Variants in LPCAT1 observed in about 807,000 individuals in gnomAD.
LPCAT1 encodes lysophosphatidylcholine acyltransferase 1.
In LPCAT1, 23 loss-of-function variants were observed where a neutral mutation model predicts 60.9. That is an observed-to-expected ratio of 0.38 (90% CI 0.27 to 0.53). LPCAT1 has a LOEUF of 0.53. Among genes scored for constraint, LPCAT1 ranks in the 20% least tolerant of loss-of-function variants. The pLI is 0.82. For missense variants in LPCAT1, 622 were observed against 723.6 expected (o/e 0.86, Z 1.61); for synonymous variants, 340 against 301.1 (o/e 1.13, Z -1.34).
Position 1,477,355 on chromosome 5 carries a change from C to T in LPCAT1, c.899+49G>A, listed in dbSNP as rs770403616. ...TTTTAAATATACAGAGAGCAGCACT[C>T]TGGGAGACACCCCTGACTCGGCGAT... is the stretch of plus-strand genomic sequence containing the variant. On this transcript the variant is annotated intron_variant, in intron 9 of 13. Coordinates refer to ENST00000283415, the MANE Select transcript of LPCAT1 (RefSeq NM_024830.5). This position sits in a 1 kb window ranked among gnomAD's most constrained non-coding sequence, Gnocchi z 6.0. 1.3e-6 allele frequency: 2 copies of T among 1,485,520 alleles called. No individual in the cohort carries two copies. The highest frequency in any genetic ancestry group is 1.9e-6 in the Non-Finnish European group (2 of 1,066,406). 92.0% of individuals were successfully genotyped at this position (1,485,520 alleles called of 1,614,324 possible). A position where few individuals can be genotyped will look rare whatever the true frequency, so the allele number is the denominator to read the frequency against.
chr5:1,463,894 G>C, intron 13 of LPCAT1, 59 bp from the exon 14 acceptor site: 2 of 1,576,928 alleles, frequency 1.3e-6, no homozygotes, highest in South Asian at 2.3e-5. Flanking sequence ...TCTAGGATTT[G>C]GAGGCTCTTT....
Position 1,523,230 on chromosome 5 carries a change from G to A in LPCAT1, c.135+480C>T, listed in dbSNP as rs1736727541. ...GAGCCGCGGTGCCCTCCCGCCCGCGGGCCGCGTCCAGGCAAAGCCGCTCCG... is the reference window on the plus strand; with the variant it reads ...GAGCCGCGGTGCCCTCCCGCCCGCGAGCCGCGTCCAGGCAAAGCCGCTCCG... On this transcript the variant is annotated intron_variant, in intron 1 of 13. Transcript: ENST00000283415. The surrounding 1 kb of genome is among the most constrained non-coding windows in gnomAD (Gnocchi z 7.1). Among the ~76,000 whole-genome samples, 2 of 152,150 alleles carry A rather than the reference G, an allele frequency of 1.3e-5. No individual in the cohort carries two copies. The highest frequency in any genetic ancestry group is 2.9e-5 in the Non-Finnish European group (2 of 67,966).
chr5:1,467,747 C>T (rs1734486795), intron 12 of LPCAT1, among the ~76,000 whole-genome samples: 1 of 151,246 alleles, frequency 6.6e-6, no homozygotes. Flanking sequence ...TGTGGCAGCG[C>T]TTTCCTCTGA....
chr5:1,500,193 AATG>A (rs1486411818), intron 2 of LPCAT1, among the ~76,000 whole-genome samples: 1 of 152,240 alleles, frequency 6.6e-6, no homozygotes, highest in Admixed American at 6.5e-5. Context: ...GCCCCTCCAG[AATG>A]ATGAGAGATG....
intron 1 of LPCAT1, among the ~76,000 whole-genome samples, chr5:1,518,797 G>C (rs985273893): frequency 2.8e-4 from 43 of 152,366 alleles, no homozygotes; most frequent in African/African-American, 1.0e-3. Flanking sequence ...ACCCAGGCAA[G>C]AGGCCAGCAT....
At chr5:1,512,207 C>T (rs114788469) in intron 1 of LPCAT1, among the ~76,000 whole-genome samples, 7 of 152,180 alleles carry the variant, frequency 4.6e-5, no homozygotes, top group Non-Finnish European at 7.3e-5. Context: ...CCCCGTGAGT[C>T]GCAGTGGGGC....
chr5:1,489,709 A>G (rs1735501807), intron 4 of LPCAT1, 37 bp downstream of exon 4: 1 of 1,451,382 alleles, frequency 6.9e-7, no homozygotes, highest in African/African-American at 1.4e-5. Context: ...CTTTCGGAAT[A>G]AAACCACTGA....
In LPCAT1 at chr5:1,463,559, A is replaced by C; in HGVS notation, c.*92T>G. Reference sequence around the variant, plus strand: ...CTGAAGACAGTGCCTGTACAGCAGGAGTGAGGAGCGGAGCCCAGAGGTCAC... The same window carrying C: ...CTGAAGACAGTGCCTGTACAGCAGGCGTGAGGAGCGGAGCCCAGAGGTCAC... On this transcript the variant is annotated 3_prime_UTR_variant, in exon 14 of 14. Coordinates refer to ENST00000283415, the MANE Select transcript of LPCAT1 (RefSeq NM_024830.5). 1 of 1,371,940 alleles carries C rather than the reference A, an allele frequency of 7.3e-7. No individual in the cohort carries two copies. The highest frequency in any genetic ancestry group is 1.3e-5 in the South Asian group (1 of 76,242). The allele number at this position is 1,371,940 out of a possible 1,614,324, so 85.0% of individuals were successfully genotyped here.
intron 3 of LPCAT1, 127 bp downstream of exon 3, chr5:1,494,573 C>G (rs1311501777): frequency 2.3e-6 from 2 of 864,046 alleles, no homozygotes; most frequent in Non-Finnish European, 3.6e-6. Flanking sequence ...GGGGGTCTCA[C>G]TCATTCCCAA....
At chr5:1,467,734 C>T (rs1734485569) in intron 12 of LPCAT1, among the ~76,000 whole-genome samples, 1 of 151,224 alleles carries the variant, frequency 6.6e-6, no homozygotes, top group Non-Finnish European at 1.5e-5. Context: ...GGCCCACGGG[C>T]TCTGTGGCAG....
chr5:1,501,768 G>A (rs1736018327), intron 1 of LPCAT1, among the ~76,000 whole-genome samples, 165 bp from the exon 2 acceptor site: 1 of 151,548 alleles, frequency 6.6e-6, no homozygotes, highest in East Asian at 1.9e-4. Flanking sequence ...CACTGACCGA[G>A]GCTGACCAAG....
chr5:1,479,260 G>C (rs1012012698), intron 8 of LPCAT1, among the ~76,000 whole-genome samples: 1 of 152,224 alleles, frequency 6.6e-6, no homozygotes. Context: ...GCGTGTGCCT[G>C]TGGTCCAATT....
intron 13 of LPCAT1, among the ~76,000 whole-genome samples, chr5:1,465,018 A>C (rs1560944320): frequency 7.2e-6 from 1 of 139,630 alleles, no homozygotes; most frequent in Non-Finnish European, 1.6e-5. Flanking sequence ...CACACACACA[A>C]AACAAGCGCA....
At position 1,481,290 on chromosome 5, in the gene LPCAT1, C is replaced by T. The variant is rs994249794; in HGVS notation, c.727-314G>A. ...CCCCCTCTTATAGGTTCCCAGAGCC[C>T]CTAGAACCTGGGAAAAGGGTCCTCC... On this transcript the variant is annotated intron_variant, in intron 6 of 13. Coordinates refer to ENST00000283415, the MANE Select transcript of LPCAT1 (RefSeq NM_024830.5). This position sits in a 1 kb window ranked among gnomAD's most constrained non-coding sequence, Gnocchi z 7.8. 6.6e-6 allele frequency among the ~76,000 whole-genome samples: 1 copy of T among 152,210 alleles called. No homozygotes were observed. Among genetic ancestry groups the T allele is most frequent in the Admixed American group, 6.5e-5 (1 of 15,288 alleles).
Position 1,523,924 on chromosome 5 carries a change from G to A in LPCAT1, c.-80C>T. On this transcript the variant is annotated 5_prime_UTR_variant, in exon 1 of 14. Coordinates refer to ENST00000283415, the MANE Select transcript of LPCAT1 (RefSeq NM_024830.5). This position sits in a 1 kb window ranked among gnomAD's most constrained non-coding sequence, Gnocchi z 7.1. ...CCGGGGCTAGCTGGGCGCGGGTCTC[G>A]GGGCGCGGGCCGAGGATGCGCGGCG... The A allele has an allele frequency of 4.2e-6, 4 of 949,910 alleles. No individual in the cohort carries two copies. Among genetic ancestry groups the A allele is most frequent in the Non-Finnish European group, 5.0e-6 (4 of 795,646 alleles). The allele number at this position is 949,910 out of a possible 1,614,324, so 58.8% of individuals were successfully genotyped here. A position where few individuals can be genotyped will look rare whatever the true frequency, so the allele number is the denominator to read the frequency against.
intron 1 of LPCAT1, among the ~76,000 whole-genome samples, chr5:1,503,362 C>G (rs974050945): frequency 1.3e-5 from 2 of 152,200 alleles, no homozygotes; most frequent in African/African-American, 4.8e-5. Context: ...TCATCCTCCA[C>G]GAGTTTTGTT....
intron 1 of LPCAT1, among the ~76,000 whole-genome samples, chr5:1,504,281 T>C (rs1736114407): frequency 6.6e-6 from 1 of 152,258 alleles, no homozygotes; most frequent in African/African-American, 2.4e-5. Flanking sequence ...CTACTGTTAC[T>C]GTTTCATATT....
chr5:1,465,894 CACACACACGTGT>C (rs1734376262), intron 13 of LPCAT1, among the ~76,000 whole-genome samples: 1 of 151,734 alleles, frequency 6.6e-6, no homozygotes, highest in Non-Finnish European at 1.5e-5. Context: ...GGCGCACACG[CACACACACGTGT>C]GCACACACAC....
Position 1,463,701 on chromosome 5 carries a change from G to A in LPCAT1, c.1555C>T (p.Pro519Ser), listed in dbSNP as rs1734203401. The part of the protein sequence containing the change: ...IPNGFCADFS[P>S]ENSDAGRKPV... ...TTCCGCCCAGCGTCTGAGTTTTCCG[G>A]GCTGAAATCGGCACAGAAGCCGTTT... The change falls in exon 14 of 14, where the codon CCG (proline) becomes TCG (serine). Residue 519 changes from proline to serine, a missense_variant. Physicochemically the swap from Pro to Ser is moderately conservative, Grantham distance 74. Coordinates refer to ENST00000283415, the MANE Select transcript of LPCAT1 (RefSeq NM_024830.5). 1 of 1,614,256 alleles carries A rather than the reference G, an allele frequency of 6.2e-7. No homozygotes were observed.
Sources: allele counts gnomAD v4.1 joint callset (sites outside exome capture counted in the v4.1 genomes callset), GRCh38; gene constraint gnomAD v4.1.1; non-coding constraint Gnocchi (gnomAD v3.1); transcripts MANE v1.5; gene names NCBI Gene and HGNC (gene_info 2026-07-23, HGNC 2026-07-21).